The following MAP3K15 variants were observed in gnomAD, a reference collection of about 807,000 sequenced individuals.
MAP3K15 encodes the protein mitogen-activated protein kinase kinase kinase 15.
Under a neutral mutation model 99.5 loss-of-function variants are expected in MAP3K15, and 124 were observed. That is an observed-to-expected ratio of 1.25 (90% CI 1.08 to 1.45). The LOEUF is 1.45. Ranked by LOEUF, MAP3K15 falls within the 40% of genes most tolerant of loss-of-function variation. MAP3K15 has a pLI of 0.00. For synonymous variants in MAP3K15, 494 were observed against 439.6 expected (o/e 1.12, Z -1.55); for missense variants, 1,242 against 1,079.7 (o/e 1.15, Z -2.11).
rs377362996 is a variant in MAP3K15 at position 19,413,113 on chromosome X, TACACACAC to T, written c.1698+236_1698+243del. On this transcript the variant is annotated intron_variant, in intron 11 of 28. Transcript: ENST00000338883. The stretch of plus-strand genomic sequence containing the variant: ...ACCTGTATTTGTTTTAATGTTTTTA[TACACACAC>T]ACACACACACACACACACACACTCC... Among the ~76,000 whole-genome samples the T allele has an allele frequency of 1.8e-3, 177 of 98,692 alleles. 2 individuals are homozygous for T. The highest frequency in any genetic ancestry group is 6.3e-3 in the African/African-American group (167 of 26,494). The allele number at this position is 98,692 out of a possible 115,157, so 85.7% of individuals were successfully genotyped here.
At chrX:19,384,781 C>T (rs1388366528) in intron 18 of MAP3K15, among the ~76,000 whole-genome samples, 1 of 61,696 alleles carries the variant, frequency 1.6e-5, no homozygotes, top group Non-Finnish European at 3.3e-5. Flanking sequence ...AAAAAAAAAA[C>T]TGTACATTTT....
chrX:19,464,179 T>A, intron 4 of MAP3K15, 34 bp downstream of exon 4: 5 of 1,123,503 alleles, frequency 4.5e-6, no homozygotes, highest in Non-Finnish European at 6.0e-6. Context: ...TCTTGGTGAG[T>A]CTCCAGGGGT....
chrX:19,458,622 G>A (rs111635511), intron 5 of MAP3K15, among the ~76,000 whole-genome samples: 1,360 of 112,139 alleles, frequency 0.012, 9 homozygotes, highest in Non-Finnish European at 0.019. Context: ...GGAGGTTGCA[G>A]TGAGCTGAGA....
chrX:19,360,585 C>T lies in MAP3K15; in HGVS notation c.*164G>A, dbSNP rs1289365730. 7.1e-6 allele frequency: 3 copies of T among 423,378 alleles called. No individual in the cohort carries two copies. Among genetic ancestry groups the T allele is most frequent in the Non-Finnish European group, 1.2e-5 (3 of 246,530 alleles). The allele number at this position is 423,378 out of a possible 1,213,427, so 34.9% of individuals were successfully genotyped here. A position where few individuals can be genotyped will look rare whatever the true frequency, so the allele number is the denominator to read the frequency against. On this transcript the variant is annotated 3_prime_UTR_variant, in exon 29 of 29. Transcript: ENST00000338883. ...TTCTATGTTTATAAATAACAGGTTT[C>T]AAAAGAAACTCAGGACAGTATTTAA...
intron 3 of MAP3K15, among the ~76,000 whole-genome samples, chrX:19,472,226 A>AAATAATAATAAT (rs202068828): frequency 7.8e-4 from 76 of 97,444 alleles, no homozygotes; most frequent in Non-Finnish European, 9.5e-4. Flanking sequence ...TCTGTCTCAA[A>AAATAATAATAAT]AATAATAATA....
In MAP3K15 at chrX:19,431,490, A is replaced by T. The variant is rs775327820; in HGVS notation, c.1114T>A (p.Phe372Ile). Residue 372 changes from phenylalanine to isoleucine, a missense_variant, in exon 7 of 29, where the codon TTC (phenylalanine) becomes ATC (isoleucine). Coordinates refer to ENST00000338883, the MANE Select transcript of MAP3K15 (RefSeq NM_001001671.4). ...TCATCTTTGCAGTCTGAATCCAAGAAGATGTCCTTGTAGATCCTCCCACAC... is the reference window on the plus strand; with the variant it reads ...TCATCTTTGCAGTCTGAATCCAAGATGATGTCCTTGTAGATCCTCCCACAC... Reference protein sequence around the residue: ...CLCGRIYKDIFLDSDCKDDTS... With the variant: ...CLCGRIYKDIILDSDCKDDTS... 1.9e-5 allele frequency: 23 copies of T among 1,200,508 alleles called. No individual in the cohort carries two copies. The highest frequency in any genetic ancestry group is 3.0e-5 in the East Asian group (1 of 33,858).
chrX:19,499,112 C>CAA (rs1220081622), intron 1 of MAP3K15, among the ~76,000 whole-genome samples: 1 of 111,724 alleles, frequency 9.0e-6, no homozygotes, highest in African/African-American at 3.3e-5. Context: ...TTAAATGGGT[C>CAA]AATGGCTAGA....
intron 1 of MAP3K15, among the ~76,000 whole-genome samples, chrX:19,507,507 G>A (rs777557911): frequency 1.0e-4 from 10 of 95,958 alleles, no homozygotes; most frequent in African/African-American, 3.5e-4. Context: ...AGCCCAGGGA[G>A]GTCAAGGCTG....
intron 25 of MAP3K15, among the ~76,000 whole-genome samples, chrX:19,367,940 G>A (rs1488928593): frequency 9.5e-6 from 1 of 105,208 alleles, no homozygotes; most frequent in Non-Finnish European, 1.9e-5. Context: ...GTAGAGACGG[G>A]GTTTCACCAT....
chrX:19,382,898 G>A (rs368246266), intron 18 of MAP3K15, among the ~76,000 whole-genome samples: 1 of 112,152 alleles, frequency 8.9e-6, no homozygotes, highest in East Asian at 2.8e-4. Context: ...TGCTGAGTCT[G>A]GGACTCTGCT....
chrX:19,503,275 C>T (rs753300023), intron 1 of MAP3K15, among the ~76,000 whole-genome samples: 2 of 111,956 alleles, frequency 1.8e-5, no homozygotes, highest in Admixed American at 1.9e-4. Context: ...AGTCTCCTGA[C>T]CATGTGTAGA....
chrX:19,360,516 C>A lies in MAP3K15; in HGVS notation c.*233G>T. On this transcript the variant is annotated 3_prime_UTR_variant, in exon 29 of 29. Transcript: ENST00000338883. ...ACTACAAGTGAATTTCCTAATATTC[C>A]GGGAGGTCAAAACCAAGGCTCACTG... The A allele has an allele frequency of 3.2e-6, 1 of 308,359 alleles. No individual in the cohort carries two copies. Among genetic ancestry groups the A allele is most frequent in the South Asian group, 4.5e-5 (1 of 22,134 alleles). 25.4% of individuals were successfully genotyped at this position (308,359 alleles called of 1,213,427 possible). A position where few individuals can be genotyped will look rare whatever the true frequency, so the allele number is the denominator to read the frequency against.
At chrX:19,486,791 C>T in intron 2 of MAP3K15, among the ~76,000 whole-genome samples, 1 of 111,473 alleles carries the variant, frequency 9.0e-6, no homozygotes, top group Non-Finnish European at 1.9e-5. Context: ...CAGAACAGGG[C>T]CAATGCTTTT....
chrX:19,507,095 C>G (rs1427046266), intron 1 of MAP3K15, among the ~76,000 whole-genome samples: 1 of 111,773 alleles, frequency 8.9e-6, no homozygotes, highest in Admixed American at 9.5e-5. Flanking sequence ...CTCAAGAATG[C>G]TGCTAATTAG....
intron 8 of MAP3K15, 108 bp downstream of exon 8, chrX:19,426,123 A>G: frequency 2.3e-6 from 1 of 439,605 alleles, no homozygotes; most frequent in South Asian, 4.6e-5. Flanking sequence ...CTCTGTCTCA[A>G]AAAAAGAATA....
Position 19,409,281 on chromosome X carries a change from T to TA in MAP3K15, c.1748+642dup, listed in dbSNP as rs780139316. ...AGAAAATAGGGAAGAAACTGAGACT[T>TA]AGAGAAGCTGAGTGACTTTCCTAAC... On this transcript the variant is annotated intron_variant, in intron 12 of 28. Transcript: ENST00000338883. Among the ~76,000 whole-genome samples, 5 of 111,317 alleles carry TA rather than the reference T, an allele frequency of 4.5e-5. No homozygotes were observed. In the South Asian group the frequency reaches 1.9e-3, roughly 43 times the overall value.
chrX:19,442,411 A>T (rs10126287), intron 6 of MAP3K15, among the ~76,000 whole-genome samples: 4,217 of 111,590 alleles, frequency 0.038, 126 homozygotes, highest in African/African-American at 0.098. Context: ...TTTACTTTCT[A>T]CTACCAAACT....
chrX:19,497,333 TG>T (rs1180803267), intron 1 of MAP3K15: 1 of 109,682 alleles, frequency 9.1e-6, no homozygotes, highest in African/African-American at 3.3e-5. Context: ...GGCTAATTTT[TG>T]TATTTTTAGT....
chrX:19,438,822 G>T (rs1602310028), intron 6 of MAP3K15, among the ~76,000 whole-genome samples: 1 of 112,206 alleles, frequency 8.9e-6, no homozygotes, highest in Non-Finnish European at 1.9e-5. Context: ...CCTTACAAGA[G>T]ACTTCTGCTT....
Sources: allele counts gnomAD v4.1 joint callset (sites outside exome capture counted in the v4.1 genomes callset), GRCh38; gene constraint gnomAD v4.1.1; transcripts MANE v1.5; gene names NCBI Gene and HGNC (gene_info 2026-07-23, HGNC 2026-07-21).